BLNK: variants seen among roughly 807,000 people sequenced by gnomAD.
BLNK encodes the protein B-cell linker protein.
In BLNK, 29 loss-of-function variants were observed where a neutral mutation model predicts 73.5. The ratio of observed to expected loss-of-function variants is 0.39; its 90% CI spans 0.29 to 0.54. The LOEUF (loss-of-function observed/expected upper bound fraction) is 0.54. BLNK is among the 20% of genes least tolerant of loss of function. The pLI is 0.61. For missense variants in BLNK, 460 were observed against 562.8 expected (o/e 0.82, Z 1.85); for synonymous variants, 176 against 200.8 (o/e 0.88, Z 1.04).
chr10:96,256,183 G>A (rs1843499437), intron 1 of BLNK, among the ~76,000 whole-genome samples: 1 of 152,026 alleles, frequency 6.6e-6, no homozygotes, highest in Admixed American at 6.5e-5. Context: ...CTTTATCCAC[G>A]TATACTTGGG....
intron 3 of BLNK, among the ~76,000 whole-genome samples, chr10:96,232,063 G>A (rs749109795): frequency 6.6e-6 from 1 of 152,252 alleles, no homozygotes; most frequent in Non-Finnish European, 1.5e-5. Flanking sequence ...CACATTTAGA[G>A]TATGAGAAAC....
Position 96,191,925 on chromosome 10 carries a change from C to T in BLNK, c.*48G>A. The T allele has an allele frequency of 6.2e-7, 1 of 1,611,412 alleles. No homozygotes were observed. The highest frequency in any genetic ancestry group is 8.5e-7 in the Non-Finnish European group (1 of 1,178,356). ...TGGGACTTTTTCTCAAAAGGAGAAA[C>T]TTTGGGAAAGTGTCTGAAGCAATGG... On this transcript the variant is annotated 3_prime_UTR_variant, in exon 17 of 17. Coordinates refer to ENST00000224337, the MANE Select transcript of BLNK (RefSeq NM_013314.4).
At chr10:96,268,491 T>A (rs560741582) in intron 1 of BLNK, among the ~76,000 whole-genome samples, 2 of 152,036 alleles carry the variant, frequency 1.3e-5, no homozygotes, top group African/African-American at 4.8e-5. Context: ...AGAAGCCTAC[T>A]TTAGCAGGCC....
intron 1 of BLNK, among the ~76,000 whole-genome samples, chr10:96,262,124 C>T (rs1277430682): frequency 6.6e-6 from 1 of 152,200 alleles, no homozygotes; most frequent in African/African-American, 2.4e-5. Context: ...GTTGATTGAA[C>T]CACCTCTGTG....
At chr10:96,196,090 G>C (rs905717561) in intron 16 of BLNK, among the ~76,000 whole-genome samples, 2 of 152,126 alleles carry the variant, frequency 1.3e-5, no homozygotes, top group African/African-American at 2.4e-5. Flanking sequence ...GGTTTGGAAT[G>C]GTGTACCTTT....
chr10:96,256,230 G>A (rs1554911099), intron 1 of BLNK, among the ~76,000 whole-genome samples: 1 of 152,028 alleles, frequency 6.6e-6, no homozygotes, highest in African/African-American at 2.4e-5. Flanking sequence ...AATTGACCTG[G>A]TATCTCCAAT....
chr10:96,205,038 G>A (rs1157967748), intron 11 of BLNK: 9 of 252,004 alleles, frequency 3.6e-5, no homozygotes, highest in South Asian at 5.3e-5. Flanking sequence ...CATAAGACGT[G>A]GTATAAGCAG....
At chr10:96,229,438 A>C (rs1842409751) in intron 4 of BLNK, among the ~76,000 whole-genome samples, 1 of 152,166 alleles carries the variant, frequency 6.6e-6, no homozygotes, top group South Asian at 2.1e-4. Context: ...CTGAAGTCAA[A>C]AGAGCTGTGA....
At chr10:96,271,308 A>G (rs536723568) in intron 1 of BLNK, 44 bp downstream of exon 1, 22 of 1,584,772 alleles carry the variant, frequency 1.4e-5, no homozygotes, top group African/African-American at 2.7e-5. Flanking sequence ...CACTGGGGGG[A>G]AAAAAAGGAG....
intron 1 of BLNK, among the ~76,000 whole-genome samples, chr10:96,254,427 A>G (rs1283203132): frequency 6.6e-6 from 1 of 152,120 alleles, no homozygotes; most frequent in Non-Finnish European, 1.5e-5. Context: ...TTCTCTTCCC[A>G]GGCAGCCTGG....
chr10:96,218,469 T>C lies in BLNK; in HGVS notation c.526-1735A>G, dbSNP rs183075608. 3.9e-5 allele frequency among the ~76,000 whole-genome samples: 6 copies of C among 152,204 alleles called. No individual in the cohort carries two copies. The East Asian group carries it at 7.7e-4, about 20-fold the overall frequency. Reference sequence around the variant, plus strand: ...ACTTTGGGAGGCTGAGGCAGGTGGATAGATAAGAGTCCAGGAGTTCAAAAC... The same window carrying C: ...ACTTTGGGAGGCTGAGGCAGGTGGACAGATAAGAGTCCAGGAGTTCAAAAC... On this transcript the variant is annotated intron_variant, in intron 6 of 16. Transcript: ENST00000224337.
At chr10:96,228,086 CTTTTTTTTCTT>C (rs1277762152) in intron 4 of BLNK, among the ~76,000 whole-genome samples, 33 of 19,260 alleles carry the variant, frequency 1.7e-3, no homozygotes, top group African/African-American at 2.6e-3. Flanking sequence ...GGTTTGCTCT[CTTTTTTTTCTT>C]TTTTTTTTTT....
At chr10:96,215,901 G>T in intron 7 of BLNK, 1 of 161,080 alleles carries the variant, frequency 6.2e-6, no homozygotes, top group Non-Finnish European at 1.4e-5. Flanking sequence ...TTCTTTTGTG[G>T]TAATGGGTGG....
chr10:96,229,234 G>GC, intron 4 of BLNK, among the ~76,000 whole-genome samples: 1 of 129,702 alleles, frequency 7.7e-6, no homozygotes, highest in East Asian at 2.3e-4. Flanking sequence ...CCCACCTGCT[G>GC]CCCCCTCGAC....
intron 1 of BLNK, among the ~76,000 whole-genome samples, chr10:96,256,319 C>A (rs74151302): frequency 0.044 from 6,679 of 152,158 alleles, 442 homozygotes; most frequent in African/African-American, 0.14. Context: ...AAAATGCATC[C>A]ATGAATACTT....
intron 1 of BLNK, among the ~76,000 whole-genome samples, chr10:96,249,207 C>G (rs1843175129): frequency 6.6e-6 from 1 of 152,226 alleles, no homozygotes; most frequent in Admixed American, 6.5e-5. Flanking sequence ...TTCTCTGACT[C>G]TGGGAGCTAG....
intron 9 of BLNK, among the ~76,000 whole-genome samples, chr10:96,209,370 A>AGATT (rs1367970233): frequency 7.2e-6 from 1 of 138,022 alleles, no homozygotes; most frequent in Non-Finnish European, 1.6e-5. Flanking sequence ...AAATACTTCT[A>AGATT]GATTTATTTA....
chr10:96,206,892 G>T, intron 11 of BLNK, 119 bp downstream of exon 11: 1 of 1,114,876 alleles, frequency 9.0e-7, no homozygotes, highest in Non-Finnish European at 1.3e-6. Context: ...ATTTTGTTTA[G>T]AAAATTGAGT....
chr10:96,209,753 C>G, intron 9 of BLNK, 85 bp downstream of exon 9: 1 of 1,533,030 alleles, frequency 6.5e-7, no homozygotes, highest in South Asian at 1.1e-5. Context: ...ATGGGGAGAA[C>G]TTCTAATGAA....
Sources: allele counts gnomAD v4.1 joint callset (sites outside exome capture counted in the v4.1 genomes callset), GRCh38; gene constraint gnomAD v4.1.1; transcripts MANE v1.5; gene names NCBI Gene and HGNC (gene_info 2026-07-23, HGNC 2026-07-21).